The following ARAP2 variants were observed in gnomAD, a reference collection of about 807,000 sequenced individuals.
The protein encoded by ARAP2 is ArfGAP with RhoGAP domain, ankyrin repeat and PH domain 2.
ARAP2 carries 148 observed loss-of-function variants against 194.5 expected under a neutral mutation model. That is an observed-to-expected ratio of 0.76 (90% CI 0.67 to 0.87). ARAP2 has a LOEUF of 0.87. Among genes scored for constraint, ARAP2 ranks in the 40% least tolerant of loss-of-function variants. The pLI is 0.00. For missense variants in ARAP2, 2,128 were observed against 1,989.7 expected, an observed-to-expected ratio of 1.07 and a Z score of -1.32; for synonymous variants, 695 against 683.5, an observed-to-expected ratio of 1.02 and a Z score of -0.26.
At position 36,067,907 on chromosome 4, in the gene ARAP2, C is replaced by CTG; in HGVS notation, c.5114_5115insCA (p.Ter1705TyrfsTer4). On this transcript the variant is annotated frameshift_variant and stop_lost, in exon 33 of 33. Coordinates refer to ENST00000303965, the MANE Select transcript of ARAP2 (RefSeq NM_015230.4). LOFTEE classifies it high-confidence loss of function. The stretch of plus-strand genomic sequence containing the variant: ...TCTGGGGAGCAATTCATTTTATTTC[C>CTG]TACTTCAAAATCTGCTCATCCTGTA... 1 of 1,560,310 alleles carries CTG rather than the reference C, an allele frequency of 6.4e-7. No homozygotes were observed. Among genetic ancestry groups the CTG allele is most frequent in the Non-Finnish European group, 8.7e-7 (1 of 1,151,956 alleles).
chr4:36,102,103 T>G (rs977454843), intron 27 of ARAP2, among the ~76,000 whole-genome samples: 6 of 152,142 alleles, frequency 3.9e-5, no homozygotes, highest in African/African-American at 1.4e-4. Flanking sequence ...ATTGCATGAC[T>G]TAGTATTCTG....
intron 2 of ARAP2, among the ~76,000 whole-genome samples, chr4:36,216,082 CA>C (rs112912494): frequency 0.066 from 6,514 of 99,348 alleles, 197 homozygotes; most frequent in African/African-American, 0.13. Flanking sequence ...CCCATCTCTA[CA>C]AAAAAAAAAA....
Position 36,147,639 on chromosome 4 carries a change from C to T in ARAP2, c.3108G>A (p.Trp1036Ter). ...CHALDQWRKGWFAMDKSSLHF... is the reference protein window; with the variant it reads ...CHALDQWRKG ...GCAAGCTGGATTTGTCCATAGCAAA[C>T]CAGCCTTTTCTCCACTGATCCAGGG... Residue 1036 changes from tryptophan (W) to a stop codon, truncating the protein, a stop_gained, in exon 18 of 33, where the codon TGG (tryptophan) becomes TGA (stop). Transcript: ENST00000303965. LOFTEE classifies it high-confidence loss of function. The T allele has an allele frequency of 6.2e-7, 1 of 1,613,582 alleles. No homozygotes were observed. The highest frequency in any genetic ancestry group is 8.5e-7 in the Non-Finnish European group (1 of 1,179,696).
At chr4:36,242,510 C>A (rs902639692) in intron 1 of ARAP2, among the ~76,000 whole-genome samples, 1 of 152,114 alleles carries the variant, frequency 6.6e-6, no homozygotes, top group African/African-American at 2.4e-5. Flanking sequence ...AAGTCTATAA[C>A]CCAGAATTCT....
intron 2 of ARAP2, among the ~76,000 whole-genome samples, chr4:36,220,661 G>A (rs1748942001): frequency 1.3e-5 from 2 of 152,032 alleles, no homozygotes; most frequent in South Asian, 4.2e-4. Context: ...CTCCATGCAT[G>A]TAACTGTCCC....
chr4:36,191,307 A>C (rs899884431), intron 7 of ARAP2, among the ~76,000 whole-genome samples: 1 of 152,192 alleles, frequency 6.6e-6, no homozygotes, highest in East Asian at 1.9e-4. Context: ...GACTAAAAAA[A>C]GATTATCTTT....
At chr4:36,015,382 T>C (rs1266956744) in intron 8 of ARAP2, 1 of 152,214 alleles carries the variant, frequency 6.6e-6, no homozygotes, top group Non-Finnish European at 1.5e-5. Context: ...TATCACTTGC[T>C]CACAGTACTG....
In ARAP2 at chr4:36,208,979, A is replaced by G. The variant is rs573829245; in HGVS notation, c.1487+1411T>C. Among the ~76,000 whole-genome samples the G allele has an allele frequency of 2.1e-3, 316 of 152,320 alleles. 1 individual carries two copies. Among genetic ancestry groups the G allele is most frequent in the African/African-American group, 7.4e-3 (307 of 41,578 alleles). ...CAAAGTTCTGAAAAAGAGAGACAGA[A>G]TATATTGTAACTGTCCCAGAGGTGG... On this transcript the variant is annotated intron_variant, in intron 6 of 32. Transcript: ENST00000303965.
chr4:36,043,335 G>A (rs745873080), intron 5 of ARAP2, among the ~76,000 whole-genome samples: 1 of 152,120 alleles, frequency 6.6e-6, no homozygotes, highest in Non-Finnish European at 1.5e-5. Flanking sequence ...AAAACTCAGA[G>A]AACTGCATTT....
chr4:36,128,087 T>TA (rs1001718455), intron 21 of ARAP2, among the ~76,000 whole-genome samples: 4 of 151,856 alleles, frequency 2.6e-5, no homozygotes, highest in Admixed American at 6.6e-5. Flanking sequence ...AAGCAAAAGT[T>TA]AAAAAAATTG....
chr4:36,124,537 A>C (rs1723414403), intron 22 of ARAP2, among the ~76,000 whole-genome samples: 1 of 151,894 alleles, frequency 6.6e-6, no homozygotes, highest in African/African-American at 2.4e-5. Flanking sequence ...TAATAAAGAA[A>C]TGTCCACCAT....
At chr4:36,022,996 G>C (rs549768582) in intron 5 of ARAP2, among the ~76,000 whole-genome samples, 1 of 152,142 alleles carries the variant, frequency 6.6e-6, no homozygotes, top group East Asian at 1.9e-4. Flanking sequence ...TTTTGGATTT[G>C]TGTTTATCAT....
intron 32 of ARAP2, among the ~76,000 whole-genome samples, chr4:36,070,168 T>C (rs1462393804): frequency 6.6e-6 from 1 of 152,140 alleles, no homozygotes. Context: ...TAGCCTAAAT[T>C]ATGTAACCTT....
At chr4:36,198,222 C>T (rs547461461) in intron 6 of ARAP2, among the ~76,000 whole-genome samples, 2 of 152,280 alleles carry the variant, frequency 1.3e-5, no homozygotes, top group East Asian at 3.9e-4. Flanking sequence ...TAGGCCCTGG[C>T]CATGGGTAGC....
intron 30 of ARAP2, among the ~76,000 whole-genome samples, chr4:36,081,020 T>C (rs1729410078): frequency 3.3e-5 from 5 of 152,190 alleles, no homozygotes; most frequent in Admixed American, 3.3e-4. Flanking sequence ...CTTTTCAAAG[T>C]AATTGTATTC....
At chr4:36,215,095 ATAACAGAGTTCTCTTTTCCATC>A (rs1350984810) in intron 2 of ARAP2, among the ~76,000 whole-genome samples, 1 of 152,340 alleles carries the variant, frequency 6.6e-6, no homozygotes, top group East Asian at 1.9e-4. Flanking sequence ...CTTCTATCAT[ATAACAGAGTTCTCTTTTCCATC>A]TAAAAAATGG....
chr4:36,062,165 C>T (rs1030698538), downstream of ARAP2, among the ~76,000 whole-genome samples: 5 of 152,108 alleles, frequency 3.3e-5, no homozygotes, highest in African/African-American at 1.2e-4. Flanking sequence ...TCCCATTTGT[C>T]CATTTTTGCT....
exon 8 of ARAP2, chr4:36,015,392 G>A (rs953599960): frequency 6.6e-6 from 1 of 152,216 alleles, no homozygotes. Flanking sequence ...TCACAGTACT[G>A]AGGATGAGCA....
At position 36,091,931 on chromosome 4, in the gene ARAP2, G is replaced by C. The variant is rs201074166; in HGVS notation, c.4375C>G (p.Arg1459Gly). 3 of 1,606,548 alleles carry C rather than the reference G, an allele frequency of 1.9e-6. No homozygotes were observed. The South Asian group carries it at 3.3e-5, about 18-fold the overall frequency. ...KILSGNKFQDRYFVLRDGFLF... is the reference protein window; with the variant it reads ...KILSGNKFQDGYFVLRDGFLF... ...AACCCATCTCGTAAAACAAAATACC[G>C]GTCTTGAAACTTATTTCCAGATAGT... The change falls in exon 28 of 33, where the codon CGG becomes GGG. Residue 1459 changes from arginine (R) to glycine (G), a missense_variant. By Grantham distance (125) the Arg-to-Gly change is moderately radical. Coordinates refer to ENST00000303965, the MANE Select transcript of ARAP2 (RefSeq NM_015230.4).
Sources: gnomAD v4.1 joint callset for allele counts (sites outside exome capture counted in the v4.1 genomes callset) on GRCh38, gnomAD v4.1.1 for gene constraint, MANE v1.5 for transcripts, NCBI Gene and HGNC (gene_info 2026-07-23, HGNC 2026-07-21) for gene names.